SLC66A2: variants seen among roughly 807,000 people sequenced by gnomAD.
The protein encoded by SLC66A2 is solute carrier family 66 member 2.
Under a neutral mutation model 25.5 loss-of-function variants are expected in SLC66A2, and 23 were observed. The ratio of observed to expected loss-of-function variants is 0.90; its 90% CI spans 0.65 to 1.28. The LOEUF (loss-of-function observed/expected upper bound fraction) is 1.28. Among genes scored for constraint, SLC66A2 ranks in the 50% most tolerant of loss-of-function variants. The pLI, the probability that SLC66A2 is intolerant of heterozygous loss-of-function variation, is 0.00. For synonymous variants in SLC66A2, 193 were observed against 166.5 expected (o/e 1.16, Z -1.23); for missense variants, 396 against 373.1 (o/e 1.06, Z -0.51).
At chr18:79,950,600 CAG>C in intron 2 of SLC66A2, 122 bp downstream of exon 2, 1 of 868,232 alleles carries the variant, frequency 1.2e-6, no homozygotes, top group Admixed American at 2.2e-5. Context: ...CCATCCACGG[CAG>C]AGTGGGACGC....
At chr18:79,913,600 C>T (rs1983555881) in intron 5 of SLC66A2, among the ~76,000 whole-genome samples, 4 of 152,330 alleles carry the variant, frequency 2.6e-5, no homozygotes, top group South Asian at 2.1e-4. Flanking sequence ...TGTGTGTGTG[C>T]ATGCGCGCAC....
intron 3 of SLC66A2, among the ~76,000 whole-genome samples, chr18:79,934,492 ACT>A (rs1450319670): frequency 6.6e-6 from 1 of 152,114 alleles, no homozygotes; most frequent in Non-Finnish European, 1.5e-5. Flanking sequence ...TTCAGAGTAC[ACT>A]CTGCTGTAAA....
chr18:79,933,905 A>G lies in SLC66A2; in HGVS notation c.391+64T>C. ...ACAGATGGAAGCAACAACAGGAGGA[A>G]GTACAGCTGCAGGAATGAAGCAAAA... On this transcript the variant is annotated intron_variant, in intron 4 of 5. Coordinates refer to ENST00000397778, the MANE Select transcript of SLC66A2 (RefSeq NM_025078.5). 2.1e-6 allele frequency: 3 copies of G among 1,396,482 alleles called. No individual in the cohort carries two copies. The South Asian group carries it at 3.6e-5, about 17-fold the overall frequency. 86.5% of individuals were successfully genotyped at this position (1,396,482 alleles called of 1,614,324 possible). A position where few individuals can be genotyped will look rare whatever the true frequency, so the allele number is the denominator to read the frequency against.
Position 79,943,310 on chromosome 18 carries a change from C to A in SLC66A2, c.337+19G>T. ...GCCCTGATTCCCTGCGACTTTATTC[C>A]GAAGCGCCGGCCACCAACCTGTAAA... is the stretch of plus-strand genomic sequence containing the variant. On this transcript the variant is annotated intron_variant, in intron 3 of 5. Transcript: ENST00000397778. 6.2e-7 allele frequency: 1 copy of A among 1,612,038 alleles called. No individual in the cohort carries two copies. Among genetic ancestry groups the A allele is most frequent in the Non-Finnish European group, 8.5e-7 (1 of 1,178,852 alleles).
rs1987680048 is a variant in SLC66A2, at chr18:79,941,660, G to A, written c.337+1669C>T. On this transcript the variant is annotated intron_variant, in intron 3 of 5. Coordinates refer to ENST00000397778, the MANE Select transcript of SLC66A2 (RefSeq NM_025078.5). The surrounding 1 kb of genome is among the most constrained non-coding windows in gnomAD (Gnocchi z 4.1). ...CTGCTGGTAAAATGAATGCAGGTGGGGAGCTTACGATGCCGCTTCTAGGGG... is the reference window on the plus strand; with the variant it reads ...CTGCTGGTAAAATGAATGCAGGTGGAGAGCTTACGATGCCGCTTCTAGGGG... 1 of 152,178 alleles carries A rather than the reference G, an allele frequency of 6.6e-6. No individual in the cohort carries two copies. Among genetic ancestry groups the A allele is most frequent in the Non-Finnish European group, 1.5e-5 (1 of 68,038 alleles). The allele number at this position is 152,178 out of a possible 1,614,324, so 9.4% of individuals were successfully genotyped here. A position where few individuals can be genotyped will look rare whatever the true frequency, so the allele number is the denominator to read the frequency against.
intron 2 of SLC66A2, among the ~76,000 whole-genome samples, chr18:79,947,609 AGCCCCTTCTCACCGGAGCCTGCCCCCGC>A (rs2050973537): frequency 1.0e-3 from 2 of 1,908 alleles, no homozygotes; most frequent in Admixed American, 7.2e-3. Flanking sequence ...CCCCCACCCC[AGCCCCTTCTCACCGGAGCCTGCCCCCGC>A]CCCACCTCTG....
At chr18:79,934,617 G>A (rs748575404) in intron 3 of SLC66A2, among the ~76,000 whole-genome samples, 2 of 152,226 alleles carry the variant, frequency 1.3e-5, no homozygotes, top group Non-Finnish European at 2.9e-5. Context: ...GCAATGACAG[G>A]TTATAAGTCA....
At chr18:79,912,942 T>C (rs1452804498) in intron 5 of SLC66A2, among the ~76,000 whole-genome samples, 1 of 152,110 alleles carries the variant, frequency 6.6e-6, no homozygotes, top group Non-Finnish European at 1.5e-5. Flanking sequence ...GAGGGGGGGT[T>C]CTGAGTGTCA....
chr18:79,938,453 C>A (rs1987330807), intron 3 of SLC66A2, among the ~76,000 whole-genome samples: 1 of 152,186 alleles, frequency 6.6e-6, no homozygotes, highest in African/African-American at 2.4e-5. Flanking sequence ...TGTGGGACAT[C>A]TCCCTCCAGT....
chr18:79,931,318 C>T (rs1425446644), intron 4 of SLC66A2, among the ~76,000 whole-genome samples: 2 of 151,880 alleles, frequency 1.3e-5, no homozygotes, highest in South Asian at 2.1e-4. Flanking sequence ...ATACAGAAGA[C>T]TCATTTTAAA....
chr18:79,912,176 G>C (rs1441130139), intron 5 of SLC66A2, among the ~76,000 whole-genome samples: 2 of 151,972 alleles, frequency 1.3e-5, no homozygotes, highest in African/African-American at 4.8e-5. Flanking sequence ...ATGGGAGCAG[G>C]GAGGGGACGG....
intron 5 of SLC66A2, among the ~76,000 whole-genome samples, chr18:79,911,966 G>A (rs552282928): frequency 9.4e-4 from 134 of 142,716 alleles, no homozygotes; most frequent in African/African-American, 3.2e-3. Flanking sequence ...GAGCAGAGGG[G>A]ACAGGAGCAG....
chr18:79,932,708 A>G (rs1986694437), intron 4 of SLC66A2, among the ~76,000 whole-genome samples: 2 of 152,214 alleles, frequency 1.3e-5, no homozygotes, highest in Admixed American at 6.5e-5. Flanking sequence ...CAAATTAGAT[A>G]ACTTGGGTGA....
rs867114482 is a variant in SLC66A2 at position 79,929,193 on chromosome 18, G to A, written c.391+4776C>T. 5.9e-5 allele frequency among the ~76,000 whole-genome samples: 9 copies of A among 152,316 alleles called. 1 individual carries two copies. In the Middle Eastern group the frequency reaches 0.01, roughly 173 times the overall value. On this transcript the variant is annotated intron_variant, in intron 4 of 5. Coordinates refer to ENST00000397778, the MANE Select transcript of SLC66A2 (RefSeq NM_025078.5). ...GGACAACCAAGAGGAGCACTCCTGG[G>A]AACAGAACCACCACCAAACACTGGC...
At chr18:79,936,511 C>T (rs1226365016) in intron 3 of SLC66A2, among the ~76,000 whole-genome samples, 1 of 152,168 alleles carries the variant, frequency 6.6e-6, no homozygotes, top group Non-Finnish European at 1.5e-5. Flanking sequence ...AAAAGAAACC[C>T]TTGACTAACC....
intron 5 of SLC66A2, among the ~76,000 whole-genome samples, chr18:79,909,105 A>G (rs182922739): frequency 2.0e-5 from 3 of 152,364 alleles, no homozygotes; most frequent in Admixed American, 2.0e-4. Context: ...TGGTCCTATC[A>G]ACAGTGTTGC....
chr18:79,943,743 G>T, intron 2 of SLC66A2: 1 of 364,002 alleles, frequency 2.7e-6, no homozygotes, highest in South Asian at 3.9e-5. Context: ...TCAGGAGGGA[G>T]GCCCACCCAT....
At position 79,921,746 on chromosome 18, in the gene SLC66A2, G is replaced by A. The variant is rs77028775; in HGVS notation, c.392-2346C>T. 2.2e-3 allele frequency among the ~76,000 whole-genome samples: 113 copies of A among 50,956 alleles called. 1 individual carries two copies. The highest frequency in any genetic ancestry group is 0.029 in the Middle Eastern group (2 of 70). 33.4% of individuals were successfully genotyped at this position (50,956 alleles called of 152,430 possible). The stretch of plus-strand genomic sequence containing the variant: ...GAGACAGGAACCGAGGGAGAGGTCA[G>A]GGTCAGAGGAGGAGAGACAGGAACC... On this transcript the variant is annotated intron_variant, in intron 4 of 5. Coordinates refer to ENST00000397778, the MANE Select transcript of SLC66A2 (RefSeq NM_025078.5).
intron 5 of SLC66A2, among the ~76,000 whole-genome samples, chr18:79,906,525 G>T (rs1273211242): frequency 1.3e-5 from 2 of 152,128 alleles, no homozygotes; most frequent in Admixed American, 6.5e-5. Context: ...AACCTTTGGA[G>T]ACTTAAGATC....
Sources: gnomAD v4.1 joint callset for allele counts (sites outside exome capture counted in the v4.1 genomes callset) on GRCh38, gnomAD v4.1.1 for gene constraint, Gnocchi (gnomAD v3.1) non-coding constraint, MANE v1.5 for transcripts, NCBI Gene and HGNC (gene_info 2026-07-23, HGNC 2026-07-21) for gene names.